Variants in TMPRSS9 observed in about 807,000 individuals in gnomAD.
TMPRSS9 encodes transmembrane serine protease 9.
TMPRSS9 carries 113 observed loss-of-function variants against 111.4 expected under a neutral mutation model. The observed-to-expected ratio is 1.01, with a 90% CI of 0.87 to 1.19. The LOEUF (loss-of-function observed/expected upper bound fraction) is 1.19, where lower values mean the gene tolerates loss of function less well. Among genes scored for constraint, TMPRSS9 ranks in the 50% most tolerant of loss-of-function variants. TMPRSS9 has a pLI of 0.00. For synonymous variants in TMPRSS9, 805 were observed against 659.1 expected (o/e 1.22, Z -3.39); for missense variants, 1,803 against 1,513.1 (o/e 1.19, Z -3.18).
At chr19:2,399,296 C>G (rs1438430745) in intron 4 of TMPRSS9, 103 bp downstream of exon 5, 1 of 1,417,558 alleles carries the variant, frequency 7.1e-7, no homozygotes, top group Admixed American at 2.7e-5. Context: ...AAAAAGAAAA[C>G]AAACTGGCCG....
upstream of TMPRSS9, among the ~76,000 whole-genome samples, chr19:2,389,341 C>T (rs1970538163): frequency 6.7e-6 from 1 of 150,098 alleles, no homozygotes. Flanking sequence ...TCCCAAAGTG[C>T]TGGGATTACA....
chr19:2,396,710 G>A, intron 2 of TMPRSS9, 44 bp downstream of exon 3: 1 of 1,570,942 alleles, frequency 6.4e-7, no homozygotes, highest in Non-Finnish European at 8.7e-7. Context: ...AAGAGCGGGT[G>A]GCCGGGGGCT....
rs372763126 is a variant in TMPRSS9, at chr19:2,399,006, C to G, written c.339-12C>G. The G allele has an allele frequency of 9.8e-5, 157 of 1,607,964 alleles. 4 individuals carry two copies. The South Asian group carries it at 1.7e-3, about 18-fold the overall frequency. ...CCCTCCCTCTCCAAGGGCCTCTCCT[C>G]CATACCTGTAGGGATGGGAACTCCA... On this transcript the variant is annotated splice_polypyrimidine_tract_variant and intron_variant, in intron 3 of 17. Transcript: ENST00000648592.
intron 1 of TMPRSS9, among the ~76,000 whole-genome samples, chr19:2,368,907 CCTG>C (rs1358412326): frequency 6.6e-6 from 1 of 150,456 alleles, no homozygotes; most frequent in East Asian, 2.0e-4. Context: ...GCCTCAGCCT[CCTG>C]AGTAGCTGGG....
exon 10 of TMPRSS9, chr19:2,413,801 A>G (rs759191027): frequency 1.2e-5 from 19 of 1,613,730 alleles, no homozygotes; most frequent in Non-Finnish European, 1.4e-5. Context: ...CCCGGCGTCC[A>G]GGGGTCTATG....
At position 2,403,940 on chromosome 19, in the gene TMPRSS9, C is replaced by T. The variant is rs1433142670; in HGVS notation, c.670+745C>T. On this transcript the variant is annotated intron_variant, in intron 6 of 17. Coordinates refer to ENST00000648592, the Ensembl canonical transcript of TMPRSS9. ...CCCGGGAGGTGGAGCTTGCAGTGAGCCAAGATCACGCCACTGCACTCCAGC... is the reference window on the plus strand; with the variant it reads ...CCCGGGAGGTGGAGCTTGCAGTGAGTCAAGATCACGCCACTGCACTCCAGC... Among the ~76,000 whole-genome samples the T allele has an allele frequency of 2.7e-5, 4 of 148,644 alleles. No homozygotes were observed. The East Asian group carries it at 7.9e-4, about 29-fold the overall frequency.
At chr19:2,416,929 G>A in intron 12 of TMPRSS9, 120 bp downstream of exon 13, 1 of 1,288,720 alleles carries the variant, frequency 7.8e-7, no homozygotes, top group South Asian at 1.5e-5. Context: ...AGGGACCTCT[G>A]TGGCTGATCC....
At chr19:2,418,343 C>CCCTCCCTTT (rs1435390640) in intron 13 of TMPRSS9, among the ~76,000 whole-genome samples, 16 of 54,404 alleles carry the variant, frequency 2.9e-4, no homozygotes, top group African/African-American at 2.0e-3. Flanking sequence ...TTCCTTCCCT[C>CCCTCCCTTT]CCTTTCCCTC....
chr19:2,387,666 G>C (rs1970505770), upstream of TMPRSS9, among the ~76,000 whole-genome samples: 1 of 152,070 alleles, frequency 6.6e-6, no homozygotes, highest in Non-Finnish European at 1.5e-5. Context: ...GATCACTTAA[G>C]CCCGGAAATT....
chr19:2,424,834 G>A (rs1012477433), intron 15 of TMPRSS9, among the ~76,000 whole-genome samples, 168 bp from the exon 17 acceptor site: 1 of 152,060 alleles, frequency 6.6e-6, no homozygotes, highest in African/African-American at 2.4e-5. Context: ...TCCCGGTGCC[G>A]CCTCGGTGCC....
At chr19:2,404,697 G>A (rs1465431877) in intron 6 of TMPRSS9, among the ~76,000 whole-genome samples, 6 of 152,076 alleles carry the variant, frequency 3.9e-5, no homozygotes, top group East Asian at 3.9e-4. Context: ...TTGGGACGCC[G>A]AGGCAGGCAG....
chr19:2,379,730 TTCTC>T (rs773251268), intron 1 of TMPRSS9, among the ~76,000 whole-genome samples: 193 of 145,534 alleles, frequency 1.3e-3, no homozygotes, highest in Admixed American at 1.9e-3. Context: ...CTTTTTCTCT[TTCTC>T]TCTCTCTCTC....
In TMPRSS9 at chr19:2,401,639, GC is replaced by G. The variant is rs368076456; in HGVS notation, c.515-335del. Among the ~76,000 whole-genome samples, 31 of 151,630 alleles carry G rather than the reference GC, an allele frequency of 2.0e-4. No homozygotes were observed. In the East Asian group the frequency reaches 5.3e-3, roughly 26 times the overall value. On this transcript the variant is annotated intron_variant, in intron 4 of 17. Transcript: ENST00000648592. ...TTCTTTTTTTTTGAGATGGAGTCTC[GC>G]TCTGTCGCCCAGGCTGGAGTACAAT...
exon 2 of TMPRSS9, chr19:2,396,571 C>T: frequency 6.2e-7 from 1 of 1,610,668 alleles, no homozygotes. Context: ...CCACGTGGAC[C>T]ACACGGCCGA....
intron 14 of TMPRSS9, among the ~76,000 whole-genome samples, 171 bp from the exon 16 acceptor site, chr19:2,423,918 C>T (rs1032825949): frequency 6.6e-6 from 1 of 152,184 alleles, no homozygotes; most frequent in East Asian, 1.9e-4. Context: ...AGCCCAAAGA[C>T]CAAGCAGCAG....
At chr19:2,370,553 C>A (rs1372874938) in intron 1 of TMPRSS9, among the ~76,000 whole-genome samples, 1 of 151,988 alleles carries the variant, frequency 6.6e-6, no homozygotes, top group Admixed American at 6.6e-5. Flanking sequence ...TGGTCTCAAC[C>A]CCTGGCCTCA....
upstream of TMPRSS9, among the ~76,000 whole-genome samples, chr19:2,386,227 C>T (rs1478270568): frequency 1.3e-5 from 2 of 152,088 alleles, no homozygotes; most frequent in East Asian, 1.9e-4. Flanking sequence ...TGGGATTGGC[C>T]GGGCACGGTG....
chr19:2,411,711 C>T (rs1246435099), intron 9 of TMPRSS9, among the ~76,000 whole-genome samples: 2 of 152,136 alleles, frequency 1.3e-5, no homozygotes, highest in Admixed American at 6.6e-5. Flanking sequence ...ACCACCACGC[C>T]TGGATAATTT....
chr19:2,408,909 A>C (rs1285109349), intron 8 of TMPRSS9, among the ~76,000 whole-genome samples: 1 of 150,710 alleles, frequency 6.6e-6, no homozygotes, highest in Non-Finnish European at 1.5e-5. Context: ...GAATTGCTTG[A>C]ACCCAGGAGA....
Sources: allele counts gnomAD v4.1 joint callset (sites outside exome capture counted in the v4.1 genomes callset), GRCh38; gene constraint gnomAD v4.1.1; transcripts MANE v1.5; gene names NCBI Gene and HGNC (gene_info 2026-07-23, HGNC 2026-07-21).